Variants in BMPR1B observed in about 807,000 individuals in gnomAD.
BMPR1B encodes the protein bone morphogenetic protein receptor type-1B.
BMPR1B carries 12 observed loss-of-function variants against 59.1 expected under a neutral mutation model. The ratio of observed to expected loss-of-function variants is 0.20; its 90% CI spans 0.13 to 0.33. BMPR1B has a LOEUF of 0.33. Among genes scored for constraint, BMPR1B ranks in the 10% least tolerant of loss-of-function variants. The pLI is 1.00. For synonymous variants in BMPR1B, 237 were observed against 207.3 expected (o/e 1.14, Z -1.23); for missense variants, 550 against 610.9 (o/e 0.90, Z 1.05).
intron 3 of BMPR1B, among the ~76,000 whole-genome samples, chr4:95,047,694 A>G (rs1295630179): frequency 6.6e-6 from 1 of 152,240 alleles, no homozygotes; most frequent in African/African-American, 2.4e-5. Flanking sequence ...GAGCGAGACT[A>G]TCTAAATATA....
intron 2 of BMPR1B, among the ~76,000 whole-genome samples, chr4:94,987,183 TATATA>T (rs1382234177): frequency 1.5e-4 from 19 of 126,474 alleles, no homozygotes; most frequent in Non-Finnish European, 2.5e-4. Context: ...TAATATACTA[TATATA>T]ATATATCATA....
At chr4:95,149,508 A>G (rs1203653555) in intron 11 of BMPR1B, among the ~76,000 whole-genome samples, 1 of 152,246 alleles carries the variant, frequency 6.6e-6, no homozygotes, top group African/African-American at 2.4e-5. Context: ...TAGTAAAAAC[A>G]ATTATAATGA....
chr4:95,004,444 A>G (rs1020014656), intron 3 of BMPR1B, among the ~76,000 whole-genome samples: 7 of 152,278 alleles, frequency 4.6e-5, no homozygotes, highest in African/African-American at 1.7e-4. Flanking sequence ...TTGTAATATT[A>G]TGCATCAGTA....
chr4:95,138,170 T>C (rs1733949101), intron 10 of BMPR1B, among the ~76,000 whole-genome samples: 1 of 151,814 alleles, frequency 6.6e-6, no homozygotes, highest in South Asian at 2.1e-4. Flanking sequence ...TTATGAAGCT[T>C]AGTTTGGCTG....
At chr4:94,977,014 C>A (rs780027802) in intron 2 of BMPR1B, among the ~76,000 whole-genome samples, 11 of 152,152 alleles carry the variant, frequency 7.2e-5, no homozygotes, top group Non-Finnish European at 1.3e-4. Context: ...CCAGAGGTCA[C>A]TTTTAATTTT....
intron 4 of BMPR1B, among the ~76,000 whole-genome samples, chr4:95,104,908 TTTTGTTTGTTTG>T (rs3841975): frequency 4.0e-5 from 6 of 151,312 alleles, no homozygotes; most frequent in Non-Finnish European, 7.4e-5. Flanking sequence ...ATGCGTGTGA[TTTTGTTTGTTTG>T]TTTGTTTGTT....
chr4:94,902,138 AAC>A (rs1727842577), intron 2 of BMPR1B, among the ~76,000 whole-genome samples: 1 of 144,764 alleles, frequency 6.9e-6, no homozygotes, highest in South Asian at 2.3e-4. Flanking sequence ...AGTAATTAAT[AAC>A]ACACAAGTTT....
At chr4:94,989,226 T>G (rs1194116494) in intron 2 of BMPR1B, among the ~76,000 whole-genome samples, 1 of 151,804 alleles carries the variant, frequency 6.6e-6, no homozygotes, top group Non-Finnish European at 1.5e-5. Context: ...CCGTCTCTAC[T>G]AAAAATACAA....
intron 1 of BMPR1B, among the ~76,000 whole-genome samples, chr4:94,869,234 C>T (rs777218232): frequency 7.2e-5 from 11 of 151,794 alleles, no homozygotes; most frequent in Non-Finnish European, 1.5e-4. Flanking sequence ...ACAAAACTTC[C>T]GTGAGGTTTT....
intron 11 of BMPR1B, among the ~76,000 whole-genome samples, chr4:95,150,616 T>C (rs944995060): frequency 5.3e-5 from 8 of 152,206 alleles, no homozygotes; most frequent in African/African-American, 1.9e-4. Flanking sequence ...AAGCCTATAT[T>C]TGAAAGCCTG....
chr4:94,811,459 T>G (rs1723808933), intron 1 of BMPR1B, among the ~76,000 whole-genome samples: 1 of 152,192 alleles, frequency 6.6e-6, no homozygotes, highest in African/African-American at 2.4e-5. Flanking sequence ...AGACTAAGAA[T>G]GTAGTCCTGC....
At chr4:95,009,464 A>G (rs144454556) in intron 3 of BMPR1B, among the ~76,000 whole-genome samples, 61 of 152,330 alleles carry the variant, frequency 4.0e-4, no homozygotes, top group Admixed American at 7.8e-4. Flanking sequence ...CTCCCCAGCT[A>G]CATTCATGAG....
At chr4:95,102,006 T>C (rs926890943) in intron 3 of BMPR1B, among the ~76,000 whole-genome samples, 1 of 152,198 alleles carries the variant, frequency 6.6e-6, no homozygotes, top group Non-Finnish European at 1.5e-5. Context: ...AATTATACTA[T>C]AACATTTTTT....
At chr4:94,933,535 G>T (rs918399669) in intron 2 of BMPR1B, among the ~76,000 whole-genome samples, 1 of 152,070 alleles carries the variant, frequency 6.6e-6, no homozygotes, top group African/African-American at 2.4e-5. Flanking sequence ...GGATTGTCTG[G>T]AGAAACTATA....
chr4:95,096,994 G>T (rs1442524201), intron 3 of BMPR1B, among the ~76,000 whole-genome samples: 1 of 141,486 alleles, frequency 7.1e-6, no homozygotes, highest in Non-Finnish European at 1.5e-5. Context: ...TTAATATATA[G>T]TATATGATAT....
chr4:95,139,976 A>G (rs1734101911), intron 10 of BMPR1B, among the ~76,000 whole-genome samples: 1 of 152,060 alleles, frequency 6.6e-6, no homozygotes, highest in Non-Finnish European at 1.5e-5. Flanking sequence ...CCCAGTACCT[A>G]AGTTGGAAAT....
chr4:94,986,045 G>A (rs764312279), intron 2 of BMPR1B, among the ~76,000 whole-genome samples: 14 of 152,054 alleles, frequency 9.2e-5, no homozygotes, highest in Middle Eastern at 6.8e-3. Flanking sequence ...CAATTATAAG[G>A]GGGCAGTTTG....
intron 12 of BMPR1B, 81 bp downstream of exon 12, chr4:95,152,854 T>A (rs1306858214): frequency 1.1e-5 from 17 of 1,535,642 alleles, no homozygotes; most frequent in Non-Finnish European, 1.5e-5. Flanking sequence ...ACATATTGAT[T>A]GTAGGAATTC....
intron 1 of BMPR1B, among the ~76,000 whole-genome samples, chr4:94,862,872 G>C (rs1726048805): frequency 2.0e-5 from 3 of 151,518 alleles, no homozygotes; most frequent in Admixed American, 2.0e-4. Context: ...GTCAACCCGG[G>C]AGGTGGAGCT....
Sources: gnomAD v4.1 joint callset for allele counts (sites outside exome capture counted in the v4.1 genomes callset) on GRCh38, gnomAD v4.1.1 for gene constraint, MANE v1.5 for transcripts, NCBI Gene and HGNC (gene_info 2026-07-23, HGNC 2026-07-21) for gene names.